The following SCAPER variants were observed in gnomAD, a reference collection of about 807,000 sequenced individuals.
The protein encoded by SCAPER is S-phase cyclin A associated protein in the ER.
Under a neutral mutation model 182.2 loss-of-function variants are expected in SCAPER, and 98 were observed. That is an observed-to-expected ratio of 0.54 (90% CI 0.46 to 0.64). SCAPER has a LOEUF of 0.64. Among genes scored for constraint, SCAPER ranks in the 30% least tolerant of loss-of-function variants. The pLI is 0.00. For synonymous variants in SCAPER, 605 were observed against 564.6 expected (o/e 1.07, Z -1.01); for missense variants, 1,432 against 1,690.0 (o/e 0.85, Z 2.68).
chr15:76,564,304 C>T (rs1597405330), intron 23 of SCAPER, among the ~76,000 whole-genome samples: 1 of 152,148 alleles, frequency 6.6e-6, no homozygotes, highest in East Asian at 1.9e-4. Context: ...TGATAAACAG[C>T]TTCAGCAAAA....
At chr15:76,450,126 T>G (rs1343069904) in intron 25 of SCAPER, among the ~76,000 whole-genome samples, 2 of 152,240 alleles carry the variant, frequency 1.3e-5, no homozygotes, top group Admixed American at 6.5e-5. Context: ...TGTGCTACAC[T>G]GTATCTTGAG....
rs1358354796 is a variant in SCAPER, at chr15:76,726,138, TATATATATATATATATAA to T, written c.2165+2439_2165+2456del. Among the ~76,000 whole-genome samples, 47 of 123,400 alleles carry T rather than the reference TATATATATATATATATAA, an allele frequency of 3.8e-4. 4 individuals are homozygous for T. Among genetic ancestry groups the T allele is most frequent in the African/African-American group, 1.3e-3 (43 of 33,040 alleles). 81.0% of individuals were successfully genotyped at this position (123,400 alleles called of 152,430 possible). A position where few individuals can be genotyped will look rare whatever the true frequency, so the allele number is the denominator to read the frequency against. ...TTAATGTCTAGAATATATATATATATATATATATATATATATAAAAAACTCTATAACCCAACAAGAAAA... is the reference window on the plus strand; with the variant it reads ...TTAATGTCTAGAATATATATATATATAAAACTCTATAACCCAACAAGAAAA... On this transcript the variant is annotated intron_variant, in intron 17 of 31. Coordinates refer to ENST00000563290, the MANE Select transcript of SCAPER (RefSeq NM_020843.4).
chr15:76,692,826 C>A (rs2058449995), intron 20 of SCAPER, among the ~76,000 whole-genome samples: 1 of 140,644 alleles, frequency 7.1e-6, no homozygotes. Context: ...TGGACATTAA[C>A]AAAATAAAAA....
At chr15:76,820,951 C>T (rs1022640131) in intron 5 of SCAPER, among the ~76,000 whole-genome samples, 1 of 152,190 alleles carries the variant, frequency 6.6e-6, no homozygotes, top group East Asian at 1.9e-4. Flanking sequence ...ATTAGAATGA[C>T]CAAAATCCAG....
chr15:76,694,782 A>T (rs2058564714), intron 20 of SCAPER, among the ~76,000 whole-genome samples: 1 of 152,166 alleles, frequency 6.6e-6, no homozygotes, highest in Non-Finnish European at 1.5e-5. Flanking sequence ...AAAAATCATA[A>T]GATATTTTAA....
intron 2 of SCAPER, among the ~76,000 whole-genome samples, chr15:76,876,702 A>G (rs138683683): frequency 3.3e-4 from 51 of 152,278 alleles, no homozygotes; most frequent in African/African-American, 1.1e-3. Context: ...ATAAATTTCA[A>G]TATTTATTTA....
rs949384802 is a variant in SCAPER at position 76,659,021 on chromosome 15, A to G, written c.2645+6632T>C. Among the ~76,000 whole-genome samples, 3 of 152,214 alleles carry G rather than the reference A, an allele frequency of 2.0e-5. No homozygotes were observed. In the South Asian group the frequency reaches 6.2e-4, roughly 32 times the overall value. On this transcript the variant is annotated intron_variant, in intron 21 of 31. Transcript: ENST00000563290. Reference sequence around the variant, plus strand: ...GGAAACAGGACCTGGTAAATATTTCATGATGAAGAAGCCAAAAACAATTGC... The same window carrying G: ...GGAAACAGGACCTGGTAAATATTTCGTGATGAAGAAGCCAAAAACAATTGC...
At chr15:76,652,518 T>TACACACACACACACACACAC (rs71143350) in intron 21 of SCAPER, among the ~76,000 whole-genome samples, 1 of 88,926 alleles carries the variant, frequency 1.1e-5, no homozygotes, top group Non-Finnish European at 2.1e-5. Flanking sequence ...TTTACATACA[T>TACACACACACACACACACAC]ACACACACAC....
intron 1 of SCAPER, among the ~76,000 whole-genome samples, chr15:76,887,028 G>A (rs575097311): frequency 6.6e-6 from 1 of 152,232 alleles, no homozygotes; most frequent in Admixed American, 6.5e-5. Context: ...GAGGGAGGGG[G>A]TGAGGAAAAA....
intron 20 of SCAPER, among the ~76,000 whole-genome samples, chr15:76,668,493 C>T (rs1225215451): frequency 1.3e-5 from 2 of 152,166 alleles, no homozygotes; most frequent in South Asian, 4.1e-4. Flanking sequence ...CCACAGTGGT[C>T]CTCTTGTTGT....
chr15:76,359,317 G>A (rs879497590), intron 29 of SCAPER, among the ~76,000 whole-genome samples: 4 of 152,296 alleles, frequency 2.6e-5, no homozygotes, highest in Non-Finnish European at 4.4e-5. Flanking sequence ...TTCGTGCCAC[G>A]TAGGAAGCCA....
chr15:76,766,823 A>C, intron 11 of SCAPER, 95 bp downstream of exon 11: 4 of 918,732 alleles, frequency 4.4e-6, no homozygotes, highest in Non-Finnish European at 6.4e-6. Context: ...ATAATTCTAA[A>C]TAGGACTAGA....
intron 22 of SCAPER, among the ~76,000 whole-genome samples, chr15:76,588,250 A>G (rs1158897172): frequency 1.3e-5 from 2 of 152,118 alleles, no homozygotes; most frequent in African/African-American, 4.8e-5. Flanking sequence ...AGGTAGCAGT[A>G]GTTGTTTTAT....
intron 5 of SCAPER, 137 bp from the exon 6 acceptor site, chr15:76,804,770 T>C: frequency 2.5e-6 from 1 of 407,834 alleles, no homozygotes; most frequent in Middle Eastern, 5.6e-4. Context: ...AAGTTACAGA[T>C]TTTTTTTTTC....
intron 22 of SCAPER, among the ~76,000 whole-genome samples, chr15:76,618,228 C>G (rs983946239): frequency 6.6e-6 from 1 of 152,146 alleles, no homozygotes; most frequent in African/African-American, 2.4e-5. Flanking sequence ...CCACTACATT[C>G]CAGCCTGGGT....
At chr15:76,497,133 G>A (rs1207566841) in intron 24 of SCAPER, among the ~76,000 whole-genome samples, 1 of 5,062 alleles carries the variant, frequency 2.0e-4, no homozygotes. Context: ...TTCCCAAAAC[G>A]GCCTTCCTTA....
At chr15:76,368,479 G>A (rs1404771716) in intron 29 of SCAPER, among the ~76,000 whole-genome samples, 1 of 152,230 alleles carries the variant, frequency 6.6e-6, no homozygotes, top group African/African-American at 2.4e-5. Context: ...TGAGTTACAA[G>A]AGAGCTGGAA....
chr15:76,740,019 A>T (rs2061462190), intron 15 of SCAPER, among the ~76,000 whole-genome samples: 1 of 152,148 alleles, frequency 6.6e-6, no homozygotes, highest in Non-Finnish European at 1.5e-5. Flanking sequence ...TTAAAAAATA[A>T]GTCAAATTTT....
intron 22 of SCAPER, among the ~76,000 whole-genome samples, chr15:76,575,761 C>T (rs914798255): frequency 2.0e-5 from 3 of 152,190 alleles, no homozygotes; most frequent in African/African-American, 7.2e-5. Context: ...TCAAAGCACT[C>T]ATCATAAGAG....
Sources: allele counts gnomAD v4.1 joint callset (sites outside exome capture counted in the v4.1 genomes callset), GRCh38; gene constraint gnomAD v4.1.1; transcripts MANE v1.5; gene names NCBI Gene and HGNC (gene_info 2026-07-23, HGNC 2026-07-21).